The following ZNF667 variants were observed in gnomAD, a reference collection of about 807,000 sequenced individuals.
ZNF667 encodes the protein zinc finger protein 667, also known as myocardial ischemic preconditioning upregulated 1 ortholog.
A neutral mutation model predicts 31.8 loss-of-function variants in ZNF667; 13 were observed. That is an observed-to-expected ratio of 0.41 (90% CI 0.27 to 0.65). The LOEUF (loss-of-function observed/expected upper bound fraction) is 0.65. Ranked by LOEUF, ZNF667 falls within the 30% of genes least tolerant of loss-of-function variation. ZNF667 has a pLI of 0.32. For missense variants in ZNF667, 642 were observed against 725.6 expected (o/e 0.88, Z 1.32); for synonymous variants, 228 against 247.1 (o/e 0.92, Z 0.73).
In ZNF667 at chr19:56,441,014, A is replaced by G; in HGVS notation, c.*148T>C. Reference sequence around the variant, plus strand: ...CAGTTAATTTCAAATCCTGAGGTCAAAATCACCAATGACTTTTGCTCTTTG... The same window carrying G: ...CAGTTAATTTCAAATCCTGAGGTCAGAATCACCAATGACTTTTGCTCTTTG... On this transcript the variant is annotated 3_prime_UTR_variant, in exon 7 of 7. Transcript: ENST00000504904. This position sits in a 1 kb window ranked among gnomAD's most constrained non-coding sequence, Gnocchi z 4.2. 1 of 1,433,370 alleles carries G rather than the reference A, an allele frequency of 7.0e-7. No individual in the cohort carries two copies. Among genetic ancestry groups the G allele is most frequent in the Non-Finnish European group, 9.1e-7 (1 of 1,096,168 alleles). 88.8% of individuals were successfully genotyped at this position (1,433,370 alleles called of 1,614,324 possible). A position where few individuals can be genotyped will look rare whatever the true frequency, so the allele number is the denominator to read the frequency against.
rs148246895 is a variant in ZNF667 at position 56,442,673 on chromosome 19, A to C, written c.322T>G (p.Cys108Gly). Residue 108 changes from cysteine (C) to glycine (G), a missense_variant, in exon 7 of 7, where the codon TGC (cysteine) becomes GGC (glycine). Coordinates refer to ENST00000504904, the MANE Select transcript of ZNF667 (RefSeq NM_001321356.2). ...TGTTGTGCAGAAACTAGTTTCTGGC[A>C]GATGCTTTGCCCAGATTTGTTGCAT... ...NQCNKSGQSICQKLVSAQQKA... is the reference protein window; with the variant it reads ...NQCNKSGQSIGQKLVSAQQKA... The C allele has an allele frequency of 6.2e-7, 1 of 1,612,586 alleles. No homozygotes were observed.
intron 6 of ZNF667, among the ~76,000 whole-genome samples, chr19:56,452,347 G>A (rs2042849172): frequency 1.3e-5 from 2 of 151,926 alleles, no homozygotes; most frequent in Admixed American, 1.3e-4. Context: ...ACCACCCCCG[G>A]CCTGAAGAAA....
At chr19:56,455,477 T>C (rs1406243295) in intron 6 of ZNF667, among the ~76,000 whole-genome samples, 2 of 152,184 alleles carry the variant, frequency 1.3e-5, no homozygotes, top group Non-Finnish European at 2.9e-5. Flanking sequence ...TGCAACAACA[T>C]GGATACAACT....
At chr19:56,449,282 C>G (rs1286232133) in intron 6 of ZNF667, 1 of 440,684 alleles carries the variant, frequency 2.3e-6, no homozygotes, top group Admixed American at 2.5e-5. Flanking sequence ...GCATCAAGAC[C>G]ATCCGGGAAA....
At chr19:56,456,468 G>A (rs1324644559) in intron 6 of ZNF667, among the ~76,000 whole-genome samples, 2 of 152,100 alleles carry the variant, frequency 1.3e-5, no homozygotes, top group African/African-American at 2.4e-5. Flanking sequence ...TCACAATTGT[G>A]AGACCTCGCA....
At chr19:56,456,698 T>C (rs912597685) in intron 6 of ZNF667, among the ~76,000 whole-genome samples, 4 of 152,202 alleles carry the variant, frequency 2.6e-5, no homozygotes, top group Non-Finnish European at 4.4e-5. Flanking sequence ...GAGAGACTAG[T>C]AACATAGAAC....
At chr19:56,443,168 T>C (rs958559017) in intron 6 of ZNF667, among the ~76,000 whole-genome samples, 13 of 152,178 alleles carry the variant, frequency 8.5e-5, no homozygotes, top group Admixed American at 7.9e-4. Context: ...GATAAAAATG[T>C]TCTAATACTG....
intron 2 of ZNF667, 194 bp from the exon 3 acceptor site, chr19:56,472,381 C>G (rs1462090897): frequency 6.6e-6 from 1 of 152,200 alleles, no homozygotes; most frequent in African/African-American, 2.4e-5. Flanking sequence ...ATGGTCATTG[C>G]TTGCCTTCCT....
intron 6 of ZNF667, among the ~76,000 whole-genome samples, chr19:56,452,648 G>A (rs1206239825): frequency 2.0e-5 from 3 of 151,996 alleles, no homozygotes; most frequent in African/African-American, 4.8e-5. Context: ...GCCTGGGCGC[G>A]GTGGCTCACA....
At chr19:56,476,480 C>T (rs760461685) in intron 1 of ZNF667, among the ~76,000 whole-genome samples, 14 of 152,180 alleles carry the variant, frequency 9.2e-5, no homozygotes, top group Non-Finnish European at 1.6e-4. Flanking sequence ...AAACGACCAC[C>T]AGCACCATAA....
At chr19:56,471,605 G>C (rs1172314192) in intron 3 of ZNF667, 94 bp downstream of exon 3, 2 of 152,162 alleles carry the variant, frequency 1.3e-5, no homozygotes, top group Admixed American at 1.3e-4. Context: ...AAACTCTTTT[G>C]ATTTCTTGTT....
chr19:56,458,010 T>A, intron 6 of ZNF667, 145 bp downstream of exon 6: 2 of 718,206 alleles, frequency 2.8e-6, no homozygotes, highest in Non-Finnish European at 4.8e-6. Flanking sequence ...AGACACCGAA[T>A]CTGCTCATGC....
intron 6 of ZNF667, among the ~76,000 whole-genome samples, chr19:56,450,092 A>T (rs1451820556): frequency 1.3e-5 from 2 of 152,110 alleles, no homozygotes; most frequent in Non-Finnish European, 2.9e-5. Context: ...CCAAACCTGG[A>T]GAAAGATGTC....
chr19:56,462,949 G>A (rs956209615), intron 3 of ZNF667, among the ~76,000 whole-genome samples: 2 of 152,204 alleles, frequency 1.3e-5, no homozygotes, highest in Non-Finnish European at 2.9e-5. Context: ...CTAAATATGA[G>A]AGCATGAGCC....
intron 6 of ZNF667, among the ~76,000 whole-genome samples, chr19:56,448,655 C>T (rs2042756535): frequency 1.3e-5 from 2 of 150,916 alleles, no homozygotes; most frequent in Admixed American, 1.3e-4. Context: ...AAAAAAGTGC[C>T]AAGCAGTGTC....
intron 1 of ZNF667, chr19:56,476,014 A>T (rs2043398072): frequency 6.6e-6 from 1 of 152,208 alleles, no homozygotes. Flanking sequence ...GCTAATAATA[A>T]AACGATGATC....
At chr19:56,462,578 C>A in intron 3 of ZNF667, 149 bp from the exon 4 acceptor site, 1 of 621,754 alleles carries the variant, frequency 1.6e-6, no homozygotes. Flanking sequence ...ATTCCTGTCC[C>A]CCCTCACCTG....
intron 3 of ZNF667, 69 bp downstream of exon 3, chr19:56,471,630 T>C (rs901577242): frequency 6.6e-5 from 10 of 152,338 alleles, no homozygotes; most frequent in South Asian, 4.1e-4. Context: ...AACACGTTCA[T>C]TTGTGCATAT....
rs750161171 is a variant in ZNF667, at chr19:56,441,261, A to G, written c.1734T>C (p.Ser578=). ...TACTACATTCATAGGGTTTCTCTGAAGAATGACTTCTCTGATGTCGAATAA... is the reference window on the plus strand; with the variant it reads ...TACTACATTCATAGGGTTTCTCTGAGGAATGACTTCTCTGATGTCGAATAA... ...SDLIRHQRSH[S]SEKPYECSKC... is the part of the protein sequence containing the mutation. The change falls in exon 7 of 7, where the codon TCT becomes TCC. Residue 578 remains serine (S), a synonymous_variant. Transcript: ENST00000504904. This position sits in a 1 kb window ranked among gnomAD's most constrained non-coding sequence, Gnocchi z 4.2. The G allele has an allele frequency of 6.2e-7, 1 of 1,614,188 alleles. No individual in the cohort carries two copies. Among genetic ancestry groups the G allele is most frequent in the Non-Finnish European group, 8.5e-7 (1 of 1,179,998 alleles).
Sources: gnomAD v4.1 joint callset for allele counts (sites outside exome capture counted in the v4.1 genomes callset) on GRCh38, gnomAD v4.1.1 for gene constraint, Gnocchi (gnomAD v3.1) non-coding constraint, MANE v1.5 for transcripts, NCBI Gene and HGNC (gene_info 2026-07-23, HGNC 2026-07-21) for gene names.